Variants in LRPPRC observed in about 807,000 individuals in gnomAD.
The protein encoded by LRPPRC is leucine rich pentatricopeptide repeat containing, also known as leucine-rich PPR motif-containing protein, mitochondrial.
A neutral mutation model predicts 180.3 loss-of-function variants in LRPPRC; 120 were observed. The observed-to-expected ratio is 0.67, with a 90% CI of 0.57 to 0.77. LRPPRC has a LOEUF of 0.77. Ranked by LOEUF, LRPPRC falls within the 30% of genes least tolerant of loss-of-function variation. The probability of loss-of-function intolerance (pLI) is 0.00; values close to 1 mark genes in which losing one functional copy is unlikely to be tolerated. For missense variants in LRPPRC, 2,012 were observed against 1,657.2 expected, an observed-to-expected ratio of 1.21 and a Z score of -3.72; for synonymous variants, 723 against 600.0, an observed-to-expected ratio of 1.21 and a Z score of -3.00.
intron 12 of LRPPRC, 34 bp from the exon 13 acceptor site, chr2:43,960,668 C>A (rs763817394): frequency 4.1e-6 from 4 of 964,234 alleles, no homozygotes; most frequent in Non-Finnish European, 6.8e-6. Context: ...GAGAATACAT[C>A]TCAGCTAACA....
At chr2:43,942,968 T>C (rs1264651579) in intron 23 of LRPPRC, among the ~76,000 whole-genome samples, 3 of 151,990 alleles carry the variant, frequency 2.0e-5, no homozygotes, top group Admixed American at 6.6e-5. Context: ...CTCCATGTAA[T>C]GCAGATTACA....
intron 29 of LRPPRC, among the ~76,000 whole-genome samples, chr2:43,914,441 G>C (rs2105016397): frequency 6.6e-6 from 1 of 152,284 alleles, no homozygotes; most frequent in African/African-American, 2.4e-5. Context: ...ACTCTGAAGA[G>C]TTATGGCCAG....
Position 43,970,928 on chromosome 2 carries a change from G to A in LRPPRC, c.1369+2679C>T, listed in dbSNP as rs1455801632. Among the ~76,000 whole-genome samples the A allele has an allele frequency of 2.6e-5, 4 of 152,128 alleles. No individual in the cohort carries two copies. In the South Asian group the frequency reaches 8.3e-4, roughly 32 times the overall value. On this transcript the variant is annotated intron_variant, in intron 11 of 37. Transcript: ENST00000260665. ...AGCCTGGCCAACATGGTGAAACCCCGTCTCTACTAAAAATACCAAAAATTA... is the reference window on the plus strand; with the variant it reads ...AGCCTGGCCAACATGGTGAAACCCCATCTCTACTAAAAATACCAAAAATTA...
chr2:43,944,936 G>A (rs550011962), intron 22 of LRPPRC, among the ~76,000 whole-genome samples: 8 of 152,092 alleles, frequency 5.3e-5, no homozygotes, highest in Middle Eastern at 3.4e-3. Flanking sequence ...AAATTCAGGC[G>A]CATATATTAG....
intron 23 of LRPPRC, among the ~76,000 whole-genome samples, chr2:43,937,269 C>T (rs1479435034): frequency 2.4e-4 from 36 of 151,922 alleles, no homozygotes; most frequent in Admixed American, 2.4e-3. Flanking sequence ...TTTTAAGAAC[C>T]AATGTTACTG....
chr2:43,993,624 C>G (rs1033923797), intron 1 of LRPPRC, among the ~76,000 whole-genome samples: 1 of 151,964 alleles, frequency 6.6e-6, no homozygotes, highest in African/African-American at 2.4e-5. Flanking sequence ...ATATACAGTG[C>G]TCAGAGTCCA....
chr2:43,988,059 G>C (rs1674605985), intron 1 of LRPPRC, among the ~76,000 whole-genome samples: 1 of 151,850 alleles, frequency 6.6e-6, no homozygotes, highest in South Asian at 2.1e-4. Context: ...CGGCCAACAT[G>C]TGAAACCCCA....
intron 1 of LRPPRC, among the ~76,000 whole-genome samples, chr2:43,990,158 G>T (rs1346454251): frequency 6.6e-6 from 1 of 152,166 alleles, no homozygotes; most frequent in Non-Finnish European, 1.5e-5. Context: ...GGCAGAGGTT[G>T]CAGTGAGCCG....
chr2:43,957,167 C>T (rs1673152174), intron 14 of LRPPRC, among the ~76,000 whole-genome samples: 1 of 152,184 alleles, frequency 6.6e-6, no homozygotes, highest in African/African-American at 2.4e-5. Context: ...AGGATCTTTA[C>T]CAAACCTGTG....
intron 27 of LRPPRC, among the ~76,000 whole-genome samples, chr2:43,920,226 C>A (rs1368640095): frequency 3.9e-5 from 6 of 152,032 alleles, no homozygotes; most frequent in African/African-American, 1.4e-4. Flanking sequence ...ACCTCCGCCT[C>A]CAGGGTTCAA....
chr2:43,988,236 CAAAA>C (rs35197756), intron 1 of LRPPRC, among the ~76,000 whole-genome samples: 5 of 95,732 alleles, frequency 5.2e-5, no homozygotes, highest in African/African-American at 2.0e-4. Context: ...GACTCTGTCT[CAAAA>C]AAAAAAAAAA....
At chr2:43,993,541 G>C (rs1572594779) in intron 1 of LRPPRC, among the ~76,000 whole-genome samples, 1 of 152,134 alleles carries the variant, frequency 6.6e-6, no homozygotes, top group African/African-American at 2.4e-5. Flanking sequence ...AGAGTAAACA[G>C]AGTTCCAGGA....
chr2:43,944,975 G>GT (rs895416573), intron 22 of LRPPRC, among the ~76,000 whole-genome samples: 26 of 152,192 alleles, frequency 1.7e-4, no homozygotes, highest in African/African-American at 5.8e-4. Context: ...ACGTTTATAG[G>GT]TTTTACGTTC....
chr2:43,890,480 GAGGT>G, intron 36 of LRPPRC: 1 of 344,900 alleles, frequency 2.9e-6, no homozygotes, highest in Non-Finnish European at 6.1e-6. Flanking sequence ...TTGGGAGGCC[GAGGT>G]AGGCGGATCA....
intron 4 of LRPPRC, 50 bp downstream of exon 4, chr2:43,977,105 A>G (rs1674091814): frequency 1.2e-6 from 2 of 1,609,650 alleles, no homozygotes; most frequent in Non-Finnish European, 1.7e-6. Flanking sequence ...TTCTGAGTAA[A>G]GAAAAAAAAT....
chr2:43,892,901 A>C (rs1398206362), intron 36 of LRPPRC: 1 of 152,236 alleles, frequency 6.6e-6, no homozygotes, highest in African/African-American at 2.4e-5. Context: ...CCTTCTGGGA[A>C]GGGTTCACCA....
intron 1 of LRPPRC, among the ~76,000 whole-genome samples, chr2:43,991,431 T>C (rs1360484249): frequency 1.3e-5 from 2 of 152,170 alleles, no homozygotes; most frequent in African/African-American, 2.4e-5. Context: ...CACCATCCCA[T>C]CAAAGAACAA....
At chr2:43,916,915 A>G (rs1671488770) in intron 29 of LRPPRC, among the ~76,000 whole-genome samples, 1 of 139,342 alleles carries the variant, frequency 7.2e-6, no homozygotes, top group Non-Finnish European at 1.5e-5. Context: ...ACTGCACTCC[A>G]GTCTGGGTGA....
At position 43,918,307 on chromosome 2, in the gene LRPPRC, T is replaced by C; in HGVS notation, c.2988A>G (p.Leu996=). 4 of 1,610,398 alleles carry C rather than the reference T, an allele frequency of 2.5e-6. No individual in the cohort carries two copies. The change falls in exon 28 of 38, where the codon TTA becomes TTG. Residue 996 remains leucine, a synonymous_variant. Coordinates refer to ENST00000260665, the MANE Select transcript of LRPPRC (RefSeq NM_133259.4). ...GGTTACCCTCTCTAAGGATTTCTGC[T>C]AATAATCTTAATGTCTTTTCACGAG... is the stretch of plus-strand genomic sequence containing the variant. The part of the protein sequence containing the change: ...VIPREKTLRL[L]AEILREGNQE...
Sources: allele counts gnomAD v4.1 joint callset (sites outside exome capture counted in the v4.1 genomes callset), GRCh38; gene constraint gnomAD v4.1.1; transcripts MANE v1.5; gene names NCBI Gene and HGNC (gene_info 2026-07-23, HGNC 2026-07-21).